Variants in COL22A1 observed in about 807,000 individuals in gnomAD.
COL22A1 encodes the protein collagen type XXII alpha 1 chain, also known as collagen alpha-1(XXII) chain.
Under a neutral mutation model 248.9 loss-of-function variants are expected in COL22A1, and 221 were observed. The observed-to-expected ratio is 0.89, with a 90% CI of 0.80 to 0.99. COL22A1 has a LOEUF of 0.99. Among genes scored for constraint, COL22A1 ranks in the 50% least tolerant of loss-of-function variants. The pLI is 0.00. For missense variants in COL22A1, 2,240 were observed against 2,179.0 expected (o/e 1.03, Z -0.56); for synonymous variants, 891 against 793.4 (o/e 1.12, Z -2.07).
chr8:138,619,461 G>C lies in COL22A1; in HGVS notation c.3819C>G (p.Gly1273=). ...PGLPGPEGAR[G]PPGFKGHTGD... ...ACACACACTACACACTTACAGGTGGGCCTCGGGCACCCTCTGGTCCTGGTA... is the reference window on the plus strand; with the variant it reads ...ACACACACTACACACTTACAGGTGGCCCTCGGGCACCCTCTGGTCCTGGTA... The change falls in exon 53 of 65, where the codon GGC becomes GGG. Residue 1273 remains glycine (G), a synonymous_variant. Coordinates refer to ENST00000303045, the MANE Select transcript of COL22A1 (RefSeq NM_152888.3). The C allele has an allele frequency of 6.2e-7, 1 of 1,614,040 alleles. No individual in the cohort carries two copies.
chr8:138,811,336 C>T (rs1359564556), intron 9 of COL22A1, among the ~76,000 whole-genome samples: 4 of 134,654 alleles, frequency 3.0e-5, no homozygotes, highest in African/African-American at 8.1e-5. Context: ...TATACACACA[C>T]GTACATACAC....
At chr8:138,627,943 G>A (rs1045713192) in intron 50 of COL22A1, among the ~76,000 whole-genome samples, 7 of 152,240 alleles carry the variant, frequency 4.6e-5, no homozygotes, top group African/African-American at 1.7e-4. Flanking sequence ...CTGACCAAAA[G>A]TGAGTCATTC....
intron 45 of COL22A1, among the ~76,000 whole-genome samples, chr8:138,652,665 T>C (rs1264008397): frequency 1.3e-5 from 2 of 151,450 alleles, no homozygotes; most frequent in African/African-American, 4.8e-5. Flanking sequence ...TTGTATGTAA[T>C]CTATTAATGT....
chr8:138,834,932 G>A (rs1270552962), intron 4 of COL22A1, among the ~76,000 whole-genome samples: 3 of 152,148 alleles, frequency 2.0e-5, no homozygotes, highest in Non-Finnish European at 4.4e-5. Flanking sequence ...AACTTGTGGG[G>A]ACCCCAGAAA....
At chr8:138,788,495 G>T (rs1272755383) in intron 12 of COL22A1, among the ~76,000 whole-genome samples, 1 of 152,116 alleles carries the variant, frequency 6.6e-6, no homozygotes, top group African/African-American at 2.4e-5. Context: ...TTGTAAATAC[G>T]AGGTACTATC....
chr8:138,806,320 G>A (rs933307556), intron 10 of COL22A1, among the ~76,000 whole-genome samples: 1 of 151,416 alleles, frequency 6.6e-6, no homozygotes, highest in Non-Finnish European at 1.5e-5. Flanking sequence ...TATGGGGTGT[G>A]TGTGTGTGTG....
chr8:138,766,837 G>A (rs1424073281), intron 16 of COL22A1, among the ~76,000 whole-genome samples: 3 of 152,230 alleles, frequency 2.0e-5, no homozygotes, highest in Non-Finnish European at 4.4e-5. Context: ...GCCACACTAG[G>A]GCACCCATGC....
At chr8:138,670,623 T>C (rs4520206) in intron 41 of COL22A1, among the ~76,000 whole-genome samples, 22,290 of 152,002 alleles carry the variant, frequency 0.15, 2,893 homozygotes, top group African/African-American at 0.35. Context: ...CCACACAGGC[T>C]GGACATGGAA....
chr8:138,826,971 C>T (rs1238647002), intron 5 of COL22A1, among the ~76,000 whole-genome samples, 190 bp from the exon 6 acceptor site: 2 of 152,146 alleles, frequency 1.3e-5, no homozygotes, highest in Non-Finnish European at 2.9e-5. Context: ...CCTAGACCAT[C>T]GTCATGACCC....
At chr8:138,873,755 T>C (rs188883270) in intron 3 of COL22A1, among the ~76,000 whole-genome samples, 82 of 151,706 alleles carry the variant, frequency 5.4e-4, no homozygotes, top group African/African-American at 1.9e-3. Context: ...GTTGAATGAA[T>C]GAATGAATGA....
At chr8:138,660,389 G>A (rs373531544) in intron 44 of COL22A1, 47 bp downstream of exon 44, 18 of 1,540,082 alleles carry the variant, frequency 1.2e-5, no homozygotes, top group African/African-American at 1.4e-5. Context: ...TCTTGCTTAC[G>A]CCCTGACTGA....
At chr8:138,661,971 G>A (rs2130693397) in intron 43 of COL22A1, 59 bp downstream of exon 43, 2 of 1,356,396 alleles carry the variant, frequency 1.5e-6, no homozygotes, top group South Asian at 2.6e-5. Context: ...GGTGGAGGGC[G>A]GGCTTTCAGG....
chr8:138,815,778 G>T (rs891007945), intron 7 of COL22A1, among the ~76,000 whole-genome samples: 2 of 152,166 alleles, frequency 1.3e-5, no homozygotes, highest in Admixed American at 6.5e-5. Context: ...TGGATGAATG[G>T]ATGGGCATTT....
At chr8:138,827,806 T>G (rs1819713574) in intron 5 of COL22A1, among the ~76,000 whole-genome samples, 1 of 151,152 alleles carries the variant, frequency 6.6e-6, no homozygotes, top group Non-Finnish European at 1.5e-5. Context: ...CTCTGTATCA[T>G]GTACAGGGCA....
At chr8:138,901,495 T>A (rs983426181) in intron 1 of COL22A1, among the ~76,000 whole-genome samples, 1 of 150,498 alleles carries the variant, frequency 6.6e-6, no homozygotes, top group Admixed American at 6.7e-5. Flanking sequence ...GCCTCCCAGG[T>A]AGCTGAGACT....
chr8:138,691,917 T>C (rs1389745891), intron 35 of COL22A1, among the ~76,000 whole-genome samples: 3 of 141,874 alleles, frequency 2.1e-5, no homozygotes, highest in South Asian at 2.3e-4. Context: ...CGTGCATGTG[T>C]GCATGTTTGT....
At chr8:138,725,479 C>T (rs201394907) in intron 23 of COL22A1, 39 bp from the exon 24 acceptor site, 1 of 1,569,368 alleles carries the variant, frequency 6.4e-7, no homozygotes, top group African/African-American at 1.4e-5. Flanking sequence ...CAGATGGGTC[C>T]TGATGAGCCT....
At chr8:138,776,105 C>G in intron 15 of COL22A1, 95 bp from the exon 16 acceptor site, 2 of 1,249,712 alleles carry the variant, frequency 1.6e-6, no homozygotes, top group Non-Finnish European at 1.2e-6. Context: ...CTGGCAGCTT[C>G]CAGCCCAGGG....
intron 22 of COL22A1, among the ~76,000 whole-genome samples, chr8:138,742,601 ATGG>A (rs1208608636): frequency 1.4e-5 from 2 of 146,058 alleles, no homozygotes; most frequent in African/African-American, 2.6e-5. Context: ...GGTGATGGTG[ATGG>A]TGGAGTTGAG....
Sources: gnomAD v4.1 joint callset for allele counts (sites outside exome capture counted in the v4.1 genomes callset) on GRCh38, gnomAD v4.1.1 for gene constraint, MANE v1.5 for transcripts, NCBI Gene and HGNC (gene_info 2026-07-23, HGNC 2026-07-21) for gene names.